Variants in ZNF713 observed in about 807,000 individuals in gnomAD.
ZNF713 encodes zinc finger protein 713.
Under a neutral mutation model 28.7 loss-of-function variants are expected in ZNF713, and 21 were observed. The observed-to-expected ratio is 0.73, with a 90% confidence interval of 0.52 to 1.05. The LOEUF is 1.05. Among genes scored for constraint, ZNF713 ranks in the 50% least tolerant of loss-of-function variants. The pLI is 0.00. For synonymous variants in ZNF713, 167 were observed against 178.0 expected (o/e 0.94, Z 0.49); for missense variants, 458 against 532.4 (o/e 0.86, Z 1.37).
chr7:55,887,878 GGCGGCGGCGGGCGGC>G lies in ZNF713; in HGVS notation c.-583+200_-583+214del, dbSNP rs1562731927. ...GCGGGCGGCGGGCGGCGGCGGCGGC[GGCGGCGGCGGGCGGC>G]GGCGGCGGCGGGAGGCGGCAGGTGG... On this transcript the variant is annotated intron_variant, in intron 1 of 6. Transcript: ENST00000429591. 8.3e-3 allele frequency among the ~76,000 whole-genome samples: 200 copies of G among 24,176 alleles called. 24 individuals carry two copies. Among genetic ancestry groups the G allele is most frequent in the Middle Eastern group, 0.029 (2 of 70 alleles). The allele number at this position is 24,176 out of a possible 152,430, so 15.9% of individuals were successfully genotyped here.
chr7:55,910,776 A>C (rs1462186580), intron 2 of ZNF713, among the ~76,000 whole-genome samples: 1 of 152,184 alleles, frequency 6.6e-6, no homozygotes, highest in Admixed American at 6.5e-5. Context: ...GATTACAGGC[A>C]TGAGCCACCG....
intron 4 of ZNF713, among the ~76,000 whole-genome samples, chr7:55,916,317 C>T (rs1342394254): frequency 6.6e-6 from 1 of 152,222 alleles, no homozygotes; most frequent in Non-Finnish European, 1.5e-5. Context: ...CTTCCTTAAA[C>T]ATGGCCCTGG....
intron 1 of ZNF713, among the ~76,000 whole-genome samples, chr7:55,892,649 G>T (rs1785408179): frequency 6.6e-6 from 1 of 150,632 alleles, no homozygotes; most frequent in African/African-American, 2.4e-5. Context: ...AAGGCGATTG[G>T]ATCACATGAG....
chr7:55,895,210 A>G (rs939461936), intron 1 of ZNF713, among the ~76,000 whole-genome samples: 3 of 152,124 alleles, frequency 2.0e-5, no homozygotes, highest in African/African-American at 7.2e-5. Flanking sequence ...GGCTGAACCA[A>G]TGTACTAGAC....
At chr7:55,927,911 A>AAAAAAAAAAAAAAAAAAAC in intron 6 of ZNF713, among the ~76,000 whole-genome samples, 1 of 149,658 alleles carries the variant, frequency 6.7e-6, no homozygotes, top group Non-Finnish European at 1.5e-5. Flanking sequence ...AAAAAAAAAA[A>AAAAAAAAAAAAAAAAAAAC]AAAAAAAAAG....
intron 1 of ZNF713, among the ~76,000 whole-genome samples, chr7:55,896,470 A>G (rs1785473387): frequency 6.6e-6 from 1 of 151,972 alleles, no homozygotes; most frequent in Non-Finnish European, 1.5e-5. Context: ...AGAGCCACCA[A>G]TTTTTTACTG....
At chr7:55,917,268 A>C (rs949719244) in intron 4 of ZNF713, among the ~76,000 whole-genome samples, 43 of 148,142 alleles carry the variant, frequency 2.9e-4, no homozygotes, top group African/African-American at 1.0e-3. Context: ...TGGAAAAAAA[A>C]AAACAACAAA....
intron 6 of ZNF713, among the ~76,000 whole-genome samples, chr7:55,928,816 T>C (rs1204223844): frequency 6.6e-6 from 1 of 152,066 alleles, no homozygotes; most frequent in Non-Finnish European, 1.5e-5. Flanking sequence ...GTCCCTACTA[T>C]ACATGTAATA....
At chr7:55,898,180 A>C (rs932507083) in intron 1 of ZNF713, among the ~76,000 whole-genome samples, 2 of 152,258 alleles carry the variant, frequency 1.3e-5, no homozygotes, top group African/African-American at 4.8e-5. Flanking sequence ...ACGTTTGTCT[A>C]GACAAAAATT....
chr7:55,911,058 T>C (rs1785773945), intron 2 of ZNF713, among the ~76,000 whole-genome samples: 1 of 152,220 alleles, frequency 6.6e-6, no homozygotes, highest in African/African-American at 2.4e-5. Context: ...GTCTGACTGT[T>C]AATGAAGGAC....
At chr7:55,914,232 A>G (rs1486372565) in intron 4 of ZNF713, among the ~76,000 whole-genome samples, 1 of 152,168 alleles carries the variant, frequency 6.6e-6, no homozygotes, top group Non-Finnish European at 1.5e-5. Context: ...TAGTTTAGCC[A>G]TCTTTTTTGC....
At chr7:55,925,511 C>T in intron 6 of ZNF713, among the ~76,000 whole-genome samples, 1 of 152,126 alleles carries the variant, frequency 6.6e-6, no homozygotes, top group Non-Finnish European at 1.5e-5. Context: ...GTCCTAGCTA[C>T]CTGGGAGGCT....
At chr7:55,920,582 A>T (rs1408975283) in intron 4 of ZNF713, among the ~76,000 whole-genome samples, 5 of 152,204 alleles carry the variant, frequency 3.3e-5, no homozygotes, top group Non-Finnish European at 4.4e-5. Flanking sequence ...AGGTTTAAGG[A>T]AAGAAGCTGT....
At chr7:55,887,887 GGGC>G (rs1234910977) in intron 1 of ZNF713, among the ~76,000 whole-genome samples, 5 of 108,618 alleles carry the variant, frequency 4.6e-5, no homozygotes, top group Admixed American at 8.7e-5. Flanking sequence ...CGGCGGCGGC[GGGC>G]GGCGGCGGCG....
chr7:55,912,746 C>T (rs187116923), intron 4 of ZNF713, 23 bp downstream of exon 4: 1 of 1,587,796 alleles, frequency 6.3e-7, no homozygotes, highest in Non-Finnish European at 8.6e-7. Flanking sequence ...TTCCTCTCCT[C>T]TGAAATGCCA....
At chr7:55,915,475 A>G (rs772248511) in intron 4 of ZNF713, among the ~76,000 whole-genome samples, 2 of 152,240 alleles carry the variant, frequency 1.3e-5, no homozygotes, top group African/African-American at 4.8e-5. Context: ...TTTAGCAACT[A>G]TACTAATAAA....
intron 6 of ZNF713, among the ~76,000 whole-genome samples, chr7:55,937,328 T>TA (rs574700240): frequency 3.9e-4 from 59 of 150,148 alleles, no homozygotes; most frequent in African/African-American, 1.3e-3. Context: ...AAATTAAAAT[T>TA]AAAAAAAACT....
intron 6 of ZNF713, among the ~76,000 whole-genome samples, chr7:55,926,479 C>T (rs936282257): frequency 3.3e-5 from 5 of 152,082 alleles, no homozygotes; most frequent in Non-Finnish European, 5.9e-5. Context: ...CTTCAATATC[C>T]TGTGAGACAG....
chr7:55,938,417 G>T (rs1032823565), intron 6 of ZNF713, among the ~76,000 whole-genome samples: 26 of 152,174 alleles, frequency 1.7e-4, no homozygotes, highest in African/African-American at 6.3e-4. Flanking sequence ...GACAAGACAG[G>T]CTCTAAACTA....
Sources: allele counts gnomAD v4.1 joint callset (sites outside exome capture counted in the v4.1 genomes callset), GRCh38; gene constraint gnomAD v4.1.1; transcripts MANE v1.5; gene names NCBI Gene and HGNC (gene_info 2026-07-23, HGNC 2026-07-21).